BCL2: variants seen among roughly 807,000 people sequenced by gnomAD.
The protein encoded by BCL2 is BCL2 apoptosis regulator.
In BCL2, 1 loss-of-function variant was observed where a neutral mutation model predicts 14.2. The ratio of observed to expected loss-of-function variants is 0.07; its 90% CI spans 0.02 to 0.33. The LOEUF is 0.33. Among genes scored for constraint, BCL2 ranks in the 10% least tolerant of loss-of-function variants. BCL2 has a pLI of 0.99. For missense variants in BCL2, 247 were observed against 305.9 expected (o/e 0.81, Z 1.44); for synonymous variants, 151 against 137.2 (o/e 1.10, Z -0.70).
intron 2 of BCL2, among the ~76,000 whole-genome samples, chr18:63,273,328 G>A (rs115926956): frequency 1.0e-3 from 158 of 152,328 alleles, no homozygotes; most frequent in African/African-American, 1.5e-3. Context: ...TCCCAAGGCC[G>A]TTCTGGATTG....
At chr18:63,243,918 C>A (rs980073651) in intron 2 of BCL2, among the ~76,000 whole-genome samples, 3 of 152,300 alleles carry the variant, frequency 2.0e-5, no homozygotes, top group African/African-American at 7.2e-5. Flanking sequence ...ACTTGAAATA[C>A]AAAATATTGG....
chr18:63,223,483 C>T (rs1910462389), intron 2 of BCL2, among the ~76,000 whole-genome samples: 1 of 152,126 alleles, frequency 6.6e-6, no homozygotes. Context: ...TTGAATCCAC[C>T]CTGCTAGGCA....
intron 2 of BCL2, among the ~76,000 whole-genome samples, chr18:63,257,021 C>G (rs907879016): frequency 2.6e-5 from 4 of 152,134 alleles, no homozygotes; most frequent in African/African-American, 9.7e-5. Flanking sequence ...GTAACTTATT[C>G]CAAGGTTATG....
rs1036538799 is a variant in BCL2 at position 63,318,870 on chromosome 18, T to C, written c.-204A>G. 1 of 1,413,128 alleles carries C rather than the reference T, an allele frequency of 7.1e-7. No homozygotes were observed. Among genetic ancestry groups the C allele is most frequent in the African/African-American group, 1.5e-5 (1 of 67,194 alleles). 87.5% of individuals were successfully genotyped at this position (1,413,128 alleles called of 1,614,324 possible). ...GGCATGAGATGCAGGAAATTTTTAT[T>C]CCAATTCCTTTCGGATCTTTATTTC... On this transcript the variant is annotated 5_prime_UTR_variant, in exon 2 of 3. Coordinates refer to ENST00000333681, the MANE Select transcript of BCL2 (RefSeq NM_000633.3). This position sits in a 1 kb window ranked among gnomAD's most constrained non-coding sequence, Gnocchi z 7.4.
At chr18:63,254,948 T>C (rs1050134916) in intron 2 of BCL2, among the ~76,000 whole-genome samples, 3 of 152,190 alleles carry the variant, frequency 2.0e-5, no homozygotes, top group Non-Finnish European at 2.9e-5. Context: ...GGAGAAAGAA[T>C]GCAAAGCTGC....
intron 2 of BCL2, among the ~76,000 whole-genome samples, chr18:63,237,141 A>G (rs1910860660): frequency 6.6e-6 from 1 of 152,144 alleles, no homozygotes; most frequent in East Asian, 1.9e-4. Context: ...CCCCACCTCT[A>G]TACCACGACC....
intron 2 of BCL2, among the ~76,000 whole-genome samples, chr18:63,299,129 A>G (rs1912884112): frequency 6.6e-6 from 1 of 152,230 alleles, no homozygotes; most frequent in Non-Finnish European, 1.5e-5. Flanking sequence ...ACGTTTAGAA[A>G]GAGTTGGGCA....
At chr18:63,223,845 G>A (rs552880057) in intron 2 of BCL2, among the ~76,000 whole-genome samples, 46 of 152,312 alleles carry the variant, frequency 3.0e-4, no homozygotes, top group African/African-American at 1.1e-3. Context: ...CAATACATCT[G>A]TTATTCATTC....
intron 2 of BCL2, among the ~76,000 whole-genome samples, chr18:63,227,246 A>G (rs1220543053): frequency 1.3e-5 from 2 of 152,378 alleles, no homozygotes; most frequent in Middle Eastern, 3.4e-3. Flanking sequence ...GAGTGAATTA[A>G]AGATACTTTC....
intron 2 of BCL2, among the ~76,000 whole-genome samples, chr18:63,157,401 T>C (rs1914811882): frequency 6.6e-6 from 1 of 152,182 alleles, no homozygotes; most frequent in South Asian, 2.1e-4. Flanking sequence ...TCACTAAGTA[T>C]TTCTGTACCC....
intron 2 of BCL2, among the ~76,000 whole-genome samples, chr18:63,198,329 GACACAC>G (rs751075739): frequency 7.7e-6 from 1 of 130,286 alleles, no homozygotes; most frequent in Non-Finnish European, 1.7e-5. Flanking sequence ...CAGACACAGA[GACACAC>G]ACACAGACAC....
At chr18:63,146,923 GA>G (rs1914528242) in intron 2 of BCL2, among the ~76,000 whole-genome samples, 1 of 152,112 alleles carries the variant, frequency 6.6e-6, no homozygotes, top group Non-Finnish European at 1.5e-5. Context: ...CTTTAAATGC[GA>G]AAAAAATAAT....
At chr18:63,153,042 A>G (rs1026825) in intron 2 of BCL2, among the ~76,000 whole-genome samples, 68,520 of 152,038 alleles carry the variant, frequency 0.45, 15,922 homozygotes, top group Middle Eastern at 0.5. Flanking sequence ...GAATGCTCAC[A>G]GCTCACCCAT....
intron 2 of BCL2, among the ~76,000 whole-genome samples, chr18:63,199,768 C>T (rs74914464): frequency 0.026 from 3,975 of 152,252 alleles, 182 homozygotes; most frequent in African/African-American, 0.09. Flanking sequence ...AACACACAGA[C>T]GCACACGTAT....
intron 2 of BCL2, among the ~76,000 whole-genome samples, chr18:63,167,506 G>A (rs1170173487): frequency 1.3e-5 from 2 of 152,208 alleles, no homozygotes; most frequent in Admixed American, 6.5e-5. Context: ...GGGGCCAGGT[G>A]TGATGGCTCA....
chr18:63,302,561 A>C (rs866604428), intron 2 of BCL2: 4 of 985,314 alleles, frequency 4.1e-6, no homozygotes, highest in South Asian at 4.7e-5. Context: ...GAAATTTTTT[A>C]ATATGTGCTT....
intron 2 of BCL2, chr18:63,302,868 A>C (rs1913008270): frequency 1.0e-6 from 1 of 985,282 alleles, no homozygotes; most frequent in Non-Finnish European, 1.2e-6. Flanking sequence ...GTTATTATGG[A>C]AACACTGTGC....
chr18:63,196,339 G>A (rs1210426093), intron 2 of BCL2, among the ~76,000 whole-genome samples: 2 of 152,132 alleles, frequency 1.3e-5, no homozygotes, highest in African/African-American at 4.8e-5. Context: ...GTTCATTTAT[G>A]GAAAAAGTTC....
intron 2 of BCL2, among the ~76,000 whole-genome samples, chr18:63,271,881 G>T (rs1409798204): frequency 1.3e-5 from 2 of 152,194 alleles, no homozygotes; most frequent in Non-Finnish European, 2.9e-5. Flanking sequence ...AGAGAAGGGG[G>T]CAAGATCCCA....
Sources: allele counts gnomAD v4.1 joint callset (sites outside exome capture counted in the v4.1 genomes callset), GRCh38; gene constraint gnomAD v4.1.1; non-coding constraint Gnocchi (gnomAD v3.1); transcripts MANE v1.5; gene names NCBI Gene and HGNC (gene_info 2026-07-23, HGNC 2026-07-21).